ZNHIT3: variants seen among roughly 807,000 people sequenced by gnomAD.
ZNHIT3 encodes the protein zinc finger HIT domain-containing protein 3.
A neutral mutation model predicts 19.9 loss-of-function variants in ZNHIT3; 27 were observed. That is an observed-to-expected ratio of 1.36 (90% CI 1.00 to 1.87). The LOEUF (loss-of-function observed/expected upper bound fraction) is 1.87. Ranked by LOEUF, ZNHIT3 falls within the 40% of genes most tolerant of loss-of-function variation. The pLI, the probability that ZNHIT3 is intolerant of heterozygous loss-of-function variation, is 0.00. For missense variants in ZNHIT3, 215 were observed against 185.6 expected, an observed-to-expected ratio of 1.16 and a Z score of -0.92; for synonymous variants, 81 against 65.7, an observed-to-expected ratio of 1.23 and a Z score of -1.13.
chr17:36,495,511 G>T lies in ZNHIT3; in HGVS notation c.*107G>T. ...GGGCTGGGGAGCTCAGGCAAAAGAG[G>T]TTTCCAGGATGCAGATTAGGTCATG... On this transcript the variant is annotated 3_prime_UTR_variant, in exon 5 of 5. Coordinates refer to ENST00000617429, the MANE Select transcript of ZNHIT3 (RefSeq NM_004773.4). The T allele has an allele frequency of 7.2e-7, 1 of 1,397,450 alleles. No individual in the cohort carries two copies. Among genetic ancestry groups the T allele is most frequent in the Non-Finnish European group, 9.3e-7 (1 of 1,078,612 alleles). 86.6% of individuals were successfully genotyped at this position (1,397,450 alleles called of 1,614,324 possible). A position where few individuals can be genotyped will look rare whatever the true frequency, so the allele number is the denominator to read the frequency against.
At chr17:36,497,402 A>G (rs1476751756), downstream of ZNHIT3, among the ~76,000 whole-genome samples, 1 of 152,072 alleles carries the variant, frequency 6.6e-6, no homozygotes, top group Non-Finnish European at 1.5e-5. Flanking sequence ...AAAACCAAGC[A>G]ATACAATTTG....
Position 36,487,782 on chromosome 17 carries a change from C to T in ZNHIT3, c.118+816C>T, listed in dbSNP as rs1939563137. ...CTCCAGCCTGGGCTACAGAGCCAGA[C>T]TCAGTCTGGAAAAAAAAAGAAAAAA... On this transcript the variant is annotated intron_variant, in intron 2 of 4. Transcript: ENST00000617429. 2.9e-5 allele frequency among the ~76,000 whole-genome samples: 4 copies of T among 137,168 alleles called. No individual in the cohort carries two copies. The South Asian group carries it at 9.2e-4, about 32-fold the overall frequency. The allele number at this position is 137,168 out of a possible 152,430, so 90.0% of individuals were successfully genotyped here. A position where few individuals can be genotyped will look rare whatever the true frequency, so the allele number is the denominator to read the frequency against.
chr17:36,494,393 G>A (rs879422001), intron 4 of ZNHIT3, among the ~76,000 whole-genome samples: 5 of 152,166 alleles, frequency 3.3e-5, no homozygotes, highest in Non-Finnish European at 5.9e-5. Context: ...CTCACATACC[G>A]ATTTGTACAG....
downstream of ZNHIT3, chr17:36,496,115 C>G: frequency 8.1e-7 from 1 of 1,240,424 alleles, no homozygotes; most frequent in Non-Finnish European, 1.1e-6. Flanking sequence ...GGCTCTGGGT[C>G]GAAGGCTGGA....
At chr17:36,495,901 G>T, downstream of ZNHIT3, 2 of 1,215,742 alleles carry the variant, frequency 1.6e-6, no homozygotes, top group Non-Finnish European at 2.1e-6. Flanking sequence ...GCCAACTTTG[G>T]CTGTTTTCTT....
chr17:36,496,292 G>A, downstream of ZNHIT3: 1 of 1,614,058 alleles, frequency 6.2e-7, no homozygotes, highest in Non-Finnish European at 8.5e-7. Context: ...ACGTGGATCA[G>A]CCTGTGTCTT....
intron 2 of ZNHIT3, 76 bp downstream of exon 2, chr17:36,487,042 G>T (rs1268343179): frequency 1.3e-6 from 2 of 1,571,322 alleles, no homozygotes; most frequent in African/African-American, 2.7e-5. Flanking sequence ...TCTTGGGGGC[G>T]TGGACCCTTG....
At chr17:36,493,617 G>A (rs1244442964) in intron 3 of ZNHIT3, among the ~76,000 whole-genome samples, 1 of 152,206 alleles carries the variant, frequency 6.6e-6, no homozygotes, top group African/African-American at 2.4e-5. Flanking sequence ...GTGGGGATGG[G>A]TATTAAGTTA....
downstream of ZNHIT3, chr17:36,496,479 A>G (rs750549582): frequency 4.7e-5 from 70 of 1,477,530 alleles, no homozygotes; most frequent in Middle Eastern, 1.1e-3. Flanking sequence ...CCCACAGAGC[A>G]GACGCTAAAA....
At chr17:36,489,979 C>T (rs1286027038) in intron 2 of ZNHIT3, 7 of 112,756 alleles carry the variant, frequency 6.2e-5, no homozygotes, top group African/African-American at 2.1e-4. Context: ...CTTGTGTATT[C>T]TAGATATTAA....
intron 2 of ZNHIT3, chr17:36,490,888 T>G (rs2070711010): frequency 1.3e-5 from 2 of 151,848 alleles, no homozygotes. Flanking sequence ...GCAGTGGTGC[T>G]CACTATAGCC....
intron 2 of ZNHIT3, chr17:36,490,825 T>G (rs2070709170): frequency 6.6e-6 from 1 of 152,160 alleles, no homozygotes; most frequent in Non-Finnish European, 1.5e-5. Context: ...ACTTTTCATT[T>G]GTCTTTTTTA....
rs1567712490 is a variant in ZNHIT3 at position 36,486,954 on chromosome 17, CG to C, written c.108del (p.Lys37SerfsTer17). The C allele has an allele frequency of 1.9e-6, 3 of 1,611,348 alleles. No homozygotes were observed. Among genetic ancestry groups the C allele is most frequent in the African/African-American group, 1.3e-5 (1 of 74,716 alleles). On this transcript the variant is annotated frameshift_variant, in exon 2 of 5. Coordinates refer to ENST00000617429, the MANE Select transcript of ZNHIT3 (RefSeq NM_004773.4). LOFTEE classifies it high-confidence loss of function. ...RVPYCSVVCFRKHKEQCNPET... is the reference protein window; with the variant it reads ...RVPYCSVVCFXKHKEQCNPET... The stretch of plus-strand genomic sequence containing the variant: ...TTACAGCTGCTCGGTAGTCTGCTTC[CG>C]GAAGCACAAAGGTGAGCCCCGTCCC...
downstream of ZNHIT3, among the ~76,000 whole-genome samples, chr17:36,496,811 A>AG (rs2071022064): frequency 6.6e-6 from 1 of 152,198 alleles, no homozygotes; most frequent in African/African-American, 2.4e-5. Context: ...GTTGAGTATT[A>AG]GCCCATTTTA....
chr17:36,496,079 C>T (rs1380365520), downstream of ZNHIT3: 6 of 947,268 alleles, frequency 6.3e-6, no homozygotes, highest in Admixed American at 1.6e-4. Flanking sequence ...CCTGGAACCC[C>T]AGGCCCACTG....
chr17:36,499,163 AAG>A (rs764348722), downstream of ZNHIT3: 26 of 1,599,348 alleles, frequency 1.6e-5, no homozygotes, highest in Non-Finnish European at 2.1e-5. Flanking sequence ...ACGAATGGCT[AAG>A]AGGTTTGCCC....
At chr17:36,498,969 C>A, downstream of ZNHIT3, 1 of 904,980 alleles carries the variant, frequency 1.1e-6, no homozygotes. Flanking sequence ...AAACAACCTG[C>A]CCAAGGCCAC....
chr17:36,492,616 C>T (rs1244784010), intron 2 of ZNHIT3, 197 bp from the exon 3 acceptor site: 2 of 598,594 alleles, frequency 3.3e-6, no homozygotes, highest in East Asian at 2.8e-5. Flanking sequence ...TGAATGAGTC[C>T]TGCTTTCTCA....
At chr17:36,498,958 TA>T, downstream of ZNHIT3, 1 of 782,118 alleles carries the variant, frequency 1.3e-6, no homozygotes. Context: ...TCAGAGAGGC[TA>T]AACAACCTGC....
Sources: allele counts gnomAD v4.1 joint callset (sites outside exome capture counted in the v4.1 genomes callset), GRCh38; gene constraint gnomAD v4.1.1; transcripts MANE v1.5; gene names NCBI Gene and HGNC (gene_info 2026-07-23, HGNC 2026-07-21).